Variants in CHD6 observed in about 807,000 individuals in gnomAD.
CHD6 encodes chromodomain helicase DNA binding protein 6.
CHD6 carries 50 observed loss-of-function variants against 276.9 expected under a neutral mutation model. That is an observed-to-expected ratio of 0.18 (90% CI 0.14 to 0.23). The LOEUF (loss-of-function observed/expected upper bound fraction) is 0.23. Among genes scored for constraint, CHD6 ranks in the 10% least tolerant of loss-of-function variants. The pLI is 1.00. For synonymous variants in CHD6, 1,173 were observed against 1,229.3 expected (o/e 0.95, Z 0.96); for missense variants, 2,564 against 3,365.8 (o/e 0.76, Z 5.89).
intron 1 of CHD6, among the ~76,000 whole-genome samples, chr20:41,593,217 A>G (rs2045682882): frequency 6.9e-6 from 1 of 144,670 alleles, no homozygotes; most frequent in Non-Finnish European, 1.5e-5. Flanking sequence ...GGGGGGGGTT[A>G]AATAGTAAAA....
At chr20:41,580,757 CT>C (rs2045529047) in intron 1 of CHD6, among the ~76,000 whole-genome samples, 1 of 151,708 alleles carries the variant, frequency 6.6e-6, no homozygotes. Flanking sequence ...GATGTCTTAC[CT>C]TTAGGTAAGA....
At position 41,585,504 on chromosome 20, in the gene CHD6, G is replaced by A. The variant is rs1478969305; in HGVS notation, c.-24+32836C>T. ...GCCTTGGCAACAAGAGTGAAACTCCGTCTCACCAAAAAAAAAAAAAAAAAA... is the reference window on the plus strand; with the variant it reads ...GCCTTGGCAACAAGAGTGAAACTCCATCTCACCAAAAAAAAAAAAAAAAAA... On this transcript the variant is annotated intron_variant, in intron 1 of 36. Transcript: ENST00000373233. Among the ~76,000 whole-genome samples the A allele has an allele frequency of 1.1e-4, 13 of 119,136 alleles. No homozygotes were observed. In the East Asian group the frequency reaches 1.7e-3, roughly 15 times the overall value. The allele number at this position is 119,136 out of a possible 152,430, so 78.2% of individuals were successfully genotyped here. A position where few individuals can be genotyped will look rare whatever the true frequency, so the allele number is the denominator to read the frequency against.
intron 17 of CHD6, among the ~76,000 whole-genome samples, chr20:41,470,756 T>C (rs1312322495): frequency 6.6e-6 from 1 of 152,248 alleles, no homozygotes; most frequent in East Asian, 1.9e-4. Flanking sequence ...CTCCACTAGG[T>C]TTGACTATTC....
chr20:41,543,403 A>G (rs762457010), intron 2 of CHD6, among the ~76,000 whole-genome samples: 1 of 152,156 alleles, frequency 6.6e-6, no homozygotes, highest in Non-Finnish European at 1.5e-5. Context: ...AAGAATCAGC[A>G]AGAACCTCTA....
chr20:41,541,609 A>G (rs2044943222), intron 2 of CHD6, among the ~76,000 whole-genome samples: 3 of 152,230 alleles, frequency 2.0e-5, no homozygotes, highest in Non-Finnish European at 4.4e-5. Context: ...GAGTGAGAAG[A>G]AACAGTGAGA....
At chr20:41,568,462 T>TA (rs1299430627) in intron 1 of CHD6, among the ~76,000 whole-genome samples, 6 of 152,160 alleles carry the variant, frequency 3.9e-5, no homozygotes, top group Non-Finnish European at 8.8e-5. Context: ...TTGAGATAAT[T>TA]AATAAAAGAA....
intron 5 of CHD6, among the ~76,000 whole-genome samples, chr20:41,507,867 A>G (rs565610680): frequency 9.9e-5 from 15 of 152,260 alleles, no homozygotes; most frequent in African/African-American, 3.4e-4. Context: ...CTATTTAGCA[A>G]ACCATAAGGA....
intron 16 of CHD6, among the ~76,000 whole-genome samples, chr20:41,482,845 A>G (rs1278019981): frequency 6.6e-6 from 1 of 152,172 alleles, no homozygotes; most frequent in Non-Finnish European, 1.5e-5. Flanking sequence ...TAAAACCTTA[A>G]GAGGGCTTGC....
Position 41,402,094 on chromosome 20 carries a change from CTT to C in CHD6, c.*2497_*2498del. 1 of 186,578 alleles carries C rather than the reference CTT, an allele frequency of 5.4e-6. No individual in the cohort carries two copies. The highest frequency in any genetic ancestry group is 1.9e-3 in the Middle Eastern group (1 of 516). The allele number at this position is 186,578 out of a possible 1,614,324, so 11.6% of individuals were successfully genotyped here. A position where few individuals can be genotyped will look rare whatever the true frequency, so the allele number is the denominator to read the frequency against. ...CTCAAATACAAATGTGACTTTTAAA[CTT>C]TTTCTTTTGTTTTTAAATCCAGGAT... is the stretch of plus-strand genomic sequence containing the variant. On this transcript the variant is annotated 3_prime_UTR_variant, in exon 37 of 37. Transcript: ENST00000373233.
At chr20:41,536,340 T>C (rs2044829420) in intron 2 of CHD6, among the ~76,000 whole-genome samples, 1 of 152,236 alleles carries the variant, frequency 6.6e-6, no homozygotes, top group Admixed American at 6.5e-5. Context: ...TAAACTGCAC[T>C]GTTAGTAAAA....
At chr20:41,479,253 A>G (rs1330770635) in intron 16 of CHD6, among the ~76,000 whole-genome samples, 1 of 152,182 alleles carries the variant, frequency 6.6e-6, no homozygotes, top group Non-Finnish European at 1.5e-5. Context: ...AATGGGGCAA[A>G]AACAAAAAAG....
rs774842452 is a variant in CHD6, at chr20:41,445,741, G to A, written c.3801C>T (p.Ile1267=). 3 of 1,613,262 alleles carry A rather than the reference G, an allele frequency of 1.9e-6. No individual in the cohort carries two copies. Among genetic ancestry groups the A allele is most frequent in the Admixed American group, 1.7e-5 (1 of 60,018 alleles). Residue 1267 remains isoleucine (I), a synonymous_variant, in exon 25 of 37, where the codon ATC becomes ATT. Coordinates refer to ENST00000373233, the MANE Select transcript of CHD6 (RefSeq NM_032221.5). ...AGTCCACTGGGATCTCCATGTAGTC[G>A]ATGTCAGGCAGAGGTACATCCAGCT... is the stretch of plus-strand genomic sequence containing the variant. ...ARELDVPLPD[I]DYMEIPVDWW... is the part of the protein sequence containing the mutation.
intron 2 of CHD6, among the ~76,000 whole-genome samples, chr20:41,537,458 C>A (rs889073830): frequency 6.6e-6 from 1 of 152,018 alleles, no homozygotes; most frequent in Admixed American, 6.6e-5. Flanking sequence ...AAATACTACA[C>A]CATTTTAAAT....
At chr20:41,521,939 T>C (rs147732598) in intron 3 of CHD6, among the ~76,000 whole-genome samples, 52 of 152,218 alleles carry the variant, frequency 3.4e-4, no homozygotes, top group South Asian at 8.3e-4. Flanking sequence ...CTGAAAACAA[T>C]AGGAATCCAT....
chr20:41,561,923 G>A (rs924699297), intron 1 of CHD6, among the ~76,000 whole-genome samples: 1 of 152,172 alleles, frequency 6.6e-6, no homozygotes, highest in Admixed American at 6.5e-5. Context: ...TTTCACCCAT[G>A]AGGTTAGGTA....
chr20:41,609,959 C>T (rs1201831407), intron 1 of CHD6, among the ~76,000 whole-genome samples: 2 of 149,634 alleles, frequency 1.3e-5, no homozygotes, highest in African/African-American at 4.9e-5. Context: ...CGGGTTTAAG[C>T]GAGTCTCCTG....
Position 41,437,275 on chromosome 20 carries a change from G to A in CHD6, c.4067C>T (p.Thr1356Met), listed in dbSNP as rs779881509. 2.4e-5 allele frequency: 38 copies of A among 1,610,698 alleles called. No individual in the cohort carries two copies. Among genetic ancestry groups the A allele is most frequent in the African/African-American group, 2.7e-5 (2 of 74,828 alleles). ...ACCAATACTGCACATTTGACTCACC[G>A]TTTGTTTCTGGAGGCCATCTACTTT... The part of the protein sequence containing the change: ...EDKVDGLQKQ[T>M]ESSSDGGDGV... The change falls in exon 27 of 37, where the codon ACG becomes ATG. Residue 1356 changes from threonine to methionine, a missense_variant and splice_region_variant. By Grantham distance (81) the Thr-to-Met change is moderately conservative (BLOSUM62 -1). Coordinates refer to ENST00000373233, the MANE Select transcript of CHD6 (RefSeq NM_032221.5).
At chr20:41,477,744 T>TA (rs1333509009) in intron 16 of CHD6, among the ~76,000 whole-genome samples, 6 of 152,136 alleles carry the variant, frequency 3.9e-5, no homozygotes, top group Non-Finnish European at 8.8e-5. Context: ...CAACCTAATT[T>TA]AATAGTGCAG....
intron 27 of CHD6, among the ~76,000 whole-genome samples, chr20:41,427,470 G>A (rs529438462): frequency 6.2e-4 from 94 of 152,284 alleles, no homozygotes; most frequent in African/African-American, 2.0e-3. Context: ...TTTTACAGAT[G>A]CAGAAAACAA....
Sources: gnomAD v4.1 joint callset for allele counts (sites outside exome capture counted in the v4.1 genomes callset) on GRCh38, gnomAD v4.1.1 for gene constraint, MANE v1.5 for transcripts, NCBI Gene and HGNC (gene_info 2026-07-23, HGNC 2026-07-21) for gene names.